GPC5: variants seen among roughly 807,000 people sequenced by gnomAD.
GPC5 encodes the protein glypican-5.
Under a neutral mutation model 53.9 loss-of-function variants are expected in GPC5, and 47 were observed. The ratio of observed to expected loss-of-function variants is 0.87; its 90% CI spans 0.69 to 1.11. The LOEUF (loss-of-function observed/expected upper bound fraction) is 1.11, where lower values mean the gene tolerates loss of function less well. GPC5 is among the 50% of genes most tolerant of loss of function. The pLI is 0.00. For missense variants in GPC5, 748 were observed against 713.1 expected (o/e 1.05, Z -0.56); for synonymous variants, 286 against 263.3 (o/e 1.09, Z -0.84).
At chr13:92,051,844 G>A (rs1459076519) in intron 6 of GPC5, among the ~76,000 whole-genome samples, 2 of 152,112 alleles carry the variant, frequency 1.3e-5, no homozygotes, top group Non-Finnish European at 2.9e-5. Flanking sequence ...ACATATGAAG[G>A]GGTCAGATGT....
At chr13:91,708,441 A>T (rs9556109) in intron 3 of GPC5, among the ~76,000 whole-genome samples, 1 of 152,272 alleles carries the variant, frequency 6.6e-6, no homozygotes, top group East Asian at 1.9e-4. Flanking sequence ...GCATATTGTA[A>T]GATTCTGTTT....
chr13:91,992,210 T>G lies in GPC5; in HGVS notation c.1401+84153T>G, dbSNP rs193036723. On this transcript the variant is annotated intron_variant, in intron 6 of 7. Transcript: ENST00000377067. ...CTATTCCTGGCTAATTTTTTGAAAC[T>G]TTTTCAGAGAGAGGATCTCGCTCTA... Among the ~76,000 whole-genome samples the G allele has an allele frequency of 3.9e-4, 59 of 151,950 alleles. No homozygotes were observed. In the East Asian group the frequency reaches 0.011, roughly 29 times the overall value.
chr13:92,548,628 A>G (rs1882207420), intron 7 of GPC5, among the ~76,000 whole-genome samples: 1 of 152,034 alleles, frequency 6.6e-6, no homozygotes, highest in Admixed American at 6.6e-5. Context: ...AATATATACA[A>G]ATTTTTACGT....
chr13:92,414,917 A>T (rs1876216177), intron 7 of GPC5, among the ~76,000 whole-genome samples: 1 of 152,082 alleles, frequency 6.6e-6, no homozygotes, highest in African/African-American at 2.4e-5. Context: ...TCCTTATCAC[A>T]TTGGGGATTA....
At chr13:92,186,137 G>C (rs1330984) in intron 7 of GPC5, among the ~76,000 whole-genome samples, 1 of 151,280 alleles carries the variant, frequency 6.6e-6, no homozygotes, top group Non-Finnish European at 1.5e-5. Flanking sequence ...TCAAAGTGAT[G>C]CAAGCAGAAC....
intron 5 of GPC5, among the ~76,000 whole-genome samples, chr13:91,840,963 T>A (rs542531877): frequency 9.2e-5 from 14 of 151,980 alleles, no homozygotes; most frequent in African/African-American, 3.4e-4. Context: ...TGTGGATATA[T>A]CCCTGAGAAC....
chr13:92,663,324 C>A (rs1886413048), intron 7 of GPC5, among the ~76,000 whole-genome samples: 1 of 151,506 alleles, frequency 6.6e-6, no homozygotes, highest in African/African-American at 2.4e-5. Context: ...TTATCAGAGA[C>A]AATATTTGAT....
At chr13:91,958,883 C>G (rs1338843822) in intron 6 of GPC5, among the ~76,000 whole-genome samples, 1 of 151,836 alleles carries the variant, frequency 6.6e-6, no homozygotes, top group African/African-American at 2.4e-5. Flanking sequence ...AAAAACTGTG[C>G]TAAGAGGGAA....
At chr13:92,320,098 A>C (rs982577788) in intron 7 of GPC5, among the ~76,000 whole-genome samples, 12 of 152,146 alleles carry the variant, frequency 7.9e-5, no homozygotes, top group Non-Finnish European at 1.8e-4. Context: ...GGTAGTCTGA[A>C]TTAGAAAAAA....
At chr13:91,579,308 T>C (rs1375791123) in intron 2 of GPC5, among the ~76,000 whole-genome samples, 7 of 152,140 alleles carry the variant, frequency 4.6e-5, no homozygotes, top group Non-Finnish European at 1.5e-5. Context: ...TCAAATGTCC[T>C]CTTCTTTATC....
At chr13:92,464,018 C>T (rs915827785) in intron 7 of GPC5, among the ~76,000 whole-genome samples, 2 of 152,112 alleles carry the variant, frequency 1.3e-5, no homozygotes, top group African/African-American at 4.8e-5. Context: ...GCACTAAGTG[C>T]TGTGTATATA....
chr13:92,245,867 TA>T (rs1459707777), intron 7 of GPC5, among the ~76,000 whole-genome samples: 18 of 152,156 alleles, frequency 1.2e-4, no homozygotes, highest in Non-Finnish European at 2.2e-4. Context: ...TTGTGGAATA[TA>T]CTTTTTGCTT....
At chr13:92,821,012 C>T (rs893471771) in intron 7 of GPC5, among the ~76,000 whole-genome samples, 1 of 152,086 alleles carries the variant, frequency 6.6e-6, no homozygotes, top group Non-Finnish European at 1.5e-5. Context: ...GCTTAAAAGT[C>T]ATTTTCTGTA....
chr13:91,473,316 T>A (rs1395052777), intron 2 of GPC5, among the ~76,000 whole-genome samples: 1 of 152,052 alleles, frequency 6.6e-6, no homozygotes, highest in Non-Finnish European at 1.5e-5. Context: ...ATCAAGGCCC[T>A]GTTCCCATCT....
intron 7 of GPC5, among the ~76,000 whole-genome samples, chr13:92,561,950 T>C (rs1454582227): frequency 1.3e-5 from 2 of 152,056 alleles, no homozygotes; most frequent in Non-Finnish European, 2.9e-5. Context: ...ACTCATTAGA[T>C]AAATATCTTC....
At chr13:92,295,441 G>A (rs2043027902) in intron 7 of GPC5, among the ~76,000 whole-genome samples, 2 of 152,132 alleles carry the variant, frequency 1.3e-5, no homozygotes, top group South Asian at 4.2e-4. Flanking sequence ...TCCTATCGTA[G>A]GTCTATCTTG....
At chr13:91,597,943 A>T (rs1486154603) in intron 2 of GPC5, among the ~76,000 whole-genome samples, 3 of 152,076 alleles carry the variant, frequency 2.0e-5, no homozygotes, top group Non-Finnish European at 4.4e-5. Flanking sequence ...TAGCAGAAAA[A>T]GCGGATGCTC....
At chr13:92,478,979 C>G (rs1365585719) in intron 7 of GPC5, among the ~76,000 whole-genome samples, 1 of 152,146 alleles carries the variant, frequency 6.6e-6, no homozygotes, top group East Asian at 1.9e-4. Flanking sequence ...TATTCAGCCT[C>G]TCTACATTTC....
intron 7 of GPC5, among the ~76,000 whole-genome samples, chr13:92,829,836 G>C (rs184073165): frequency 1.3e-5 from 2 of 152,118 alleles, no homozygotes. Flanking sequence ...TTGAGGAAAA[G>C]AAAACTGCCA....
Sources: allele counts gnomAD v4.1 joint callset (sites outside exome capture counted in the v4.1 genomes callset), GRCh38; gene constraint gnomAD v4.1.1; transcripts MANE v1.5; gene names NCBI Gene and HGNC (gene_info 2026-07-23, HGNC 2026-07-21).